Variants in MLIP observed in about 807,000 individuals in gnomAD.
The protein encoded by MLIP is muscular LMNA-interacting protein.
MLIP carries 79 observed loss-of-function variants against 84.8 expected under a neutral mutation model. That is an observed-to-expected ratio of 0.93 (90% CI 0.78 to 1.12). The LOEUF (loss-of-function observed/expected upper bound fraction) is 1.12. MLIP is among the 50% of genes most tolerant of loss of function. The pLI is 0.00. For synonymous variants in MLIP, 504 were observed against 463.0 expected, an observed-to-expected ratio of 1.09 and a Z score of -1.14; for missense variants, 1,257 against 1,160.6, an observed-to-expected ratio of 1.08 and a Z score of -1.21.
At chr6:54,203,835 C>T (rs888503896) in intron 11 of MLIP, 2 of 152,284 alleles carry the variant, frequency 1.3e-5, no homozygotes, top group African/African-American at 4.8e-5. Flanking sequence ...ATCTGCCGGC[C>T]TCCGCCTCCC....
intron 8 of MLIP, among the ~76,000 whole-genome samples, chr6:54,164,350 A>G (rs555059677): frequency 1.4e-4 from 21 of 152,050 alleles, no homozygotes; most frequent in African/African-American, 5.1e-4. Context: ...GATTCCTTCA[A>G]GAGGAATCCT....
intron 8 of MLIP, among the ~76,000 whole-genome samples, chr6:54,167,676 C>T (rs1279196845): frequency 1.3e-5 from 2 of 151,854 alleles, no homozygotes; most frequent in Non-Finnish European, 2.9e-5. Flanking sequence ...ATGGAGACTT[C>T]AGATGATATT....
At chr6:54,202,051 AT>A in intron 10 of MLIP, 53 bp from the exon 11 acceptor site, 1 of 1,291,246 alleles carries the variant, frequency 7.7e-7, no homozygotes, top group Admixed American at 2.5e-5. Flanking sequence ...ATATTTGTTC[AT>A]TTTAATAGTG....
chr6:54,262,803 G>A (rs1783471086), intron 13 of MLIP, among the ~76,000 whole-genome samples: 1 of 152,130 alleles, frequency 6.6e-6, no homozygotes, highest in South Asian at 2.1e-4. Context: ...AAAAGAAGGA[G>A]GAGGGAAATC....
At chr6:54,244,944 G>T (rs958434739) in intron 12 of MLIP, among the ~76,000 whole-genome samples, 2 of 152,138 alleles carry the variant, frequency 1.3e-5, no homozygotes, top group Admixed American at 1.3e-4. Flanking sequence ...ATGTATGGCT[G>T]CAGGTAGGCA....
At chr6:54,091,014 G>A (rs149928399) in intron 1 of MLIP, among the ~76,000 whole-genome samples, 5 of 152,046 alleles carry the variant, frequency 3.3e-5, no homozygotes, top group East Asian at 1.9e-4. Context: ...ATATATCTTC[G>A]TTGCCAGGAA....
intron 13 of MLIP, among the ~76,000 whole-genome samples, chr6:54,265,079 A>G (rs1379959014): frequency 2.0e-5 from 3 of 151,740 alleles, no homozygotes; most frequent in African/African-American, 7.3e-5. Context: ...AAGGCAACTG[A>G]CCTCCTTTAT....
In MLIP at chr6:54,266,029, A is replaced by T; in HGVS notation, c.*74A>T. 3.4e-6 allele frequency: 5 copies of T among 1,492,114 alleles called. No homozygotes were observed. The highest frequency in any genetic ancestry group is 3.8e-5 in the Admixed American group (2 of 52,404). The allele number at this position is 1,492,114 out of a possible 1,614,324, so 92.4% of individuals were successfully genotyped here. ...CTGGTGCTAACCACTTGCTAGATTT[A>T]ACTTTTTTTTTTTTTTCCAGAATGA... On this transcript the variant is annotated 3_prime_UTR_variant, in exon 14 of 14. Coordinates refer to ENST00000502396, the MANE Select transcript of MLIP (RefSeq NM_001281747.2).
chr6:54,196,366 G>A (rs7748480), intron 10 of MLIP, among the ~76,000 whole-genome samples: 2,504 of 152,136 alleles, frequency 0.016, 80 homozygotes, highest in African/African-American at 0.057. Context: ...AGGCCTCTGT[G>A]TGTTGTTCCC....
At chr6:54,042,782 A>T (rs1764820385) in intron 1 of MLIP, among the ~76,000 whole-genome samples, 1 of 152,124 alleles carries the variant, frequency 6.6e-6, no homozygotes. Flanking sequence ...GTTCCTCCTT[A>T]ATAAAGCTAA....
At chr6:54,220,848 C>T (rs1484026412) in intron 11 of MLIP, among the ~76,000 whole-genome samples, 1 of 152,024 alleles carries the variant, frequency 6.6e-6, no homozygotes, top group Non-Finnish European at 1.5e-5. Flanking sequence ...TAGCAGTGGG[C>T]TACATTAATG....
intron 12 of MLIP, among the ~76,000 whole-genome samples, chr6:54,236,844 T>G (rs183051203): frequency 1.3e-5 from 2 of 152,234 alleles, no homozygotes; most frequent in East Asian, 3.9e-4. Context: ...TTGGTGCTAA[T>G]GAATTAATAA....
chr6:54,043,648 G>C (rs1764872851), intron 1 of MLIP, among the ~76,000 whole-genome samples: 1 of 152,184 alleles, frequency 6.6e-6, no homozygotes, highest in South Asian at 2.1e-4. Context: ...ATTATGTCTG[G>C]TACAGAGATA....
intron 1 of MLIP, among the ~76,000 whole-genome samples, chr6:54,062,396 T>A (rs951305509): frequency 1.3e-5 from 2 of 152,256 alleles, no homozygotes; most frequent in African/African-American, 4.8e-5. Flanking sequence ...ACTAATGTTT[T>A]GGGATGTTTT....
intron 9 of MLIP, among the ~76,000 whole-genome samples, chr6:54,188,100 T>C (rs1202334559): frequency 6.6e-6 from 1 of 152,130 alleles, no homozygotes; most frequent in Non-Finnish European, 1.5e-5. Flanking sequence ...AAAAATACAG[T>C]GTAAAAGATA....
intron 1 of MLIP, among the ~76,000 whole-genome samples, chr6:54,033,798 A>G (rs537017867): frequency 3.3e-5 from 5 of 152,308 alleles, no homozygotes; most frequent in South Asian, 2.1e-4. Context: ...CAAAGATGAC[A>G]TTTACCTCAT....
chr6:54,051,093 T>C (rs771597110), intron 1 of MLIP, among the ~76,000 whole-genome samples: 2 of 152,052 alleles, frequency 1.3e-5, no homozygotes, highest in Non-Finnish European at 2.9e-5. Context: ...TCCATCTCTT[T>C]TGTGTTTCTT....
rs3996970 is a variant in MLIP at position 54,183,743 on chromosome 6, G to GTTTTT, written c.2545-6111_2545-6107dup. ...TTAGTGAGATATTTAGACAGGGTAAGTTTTTTTTTTTTTTTTTTTTGAGAC... is the reference window on the plus strand; with the variant it reads ...TTAGTGAGATATTTAGACAGGGTAAGTTTTTTTTTTTTTTTTTTTTTTTTTGAGAC... On this transcript the variant is annotated intron_variant, in intron 9 of 13. Coordinates refer to ENST00000502396, the MANE Select transcript of MLIP (RefSeq NM_001281747.2). Among the ~76,000 whole-genome samples the GTTTTT allele has an allele frequency of 2.6e-3, 308 of 116,702 alleles. 14 individuals are homozygous for GTTTTT. Among genetic ancestry groups the GTTTTT allele is most frequent in the East Asian group, 0.021 (75 of 3,592 alleles). The allele number at this position is 116,702 out of a possible 152,430, so 76.6% of individuals were successfully genotyped here.
intron 10 of MLIP, among the ~76,000 whole-genome samples, chr6:54,194,486 T>TA (rs1778159762): frequency 1.3e-5 from 2 of 152,164 alleles, no homozygotes; most frequent in Admixed American, 6.6e-5. Context: ...AGCCATGAGA[T>TA]ACTGCCAATA....
Sources: gnomAD v4.1 joint callset for allele counts (sites outside exome capture counted in the v4.1 genomes callset) on GRCh38, gnomAD v4.1.1 for gene constraint, MANE v1.5 for transcripts, NCBI Gene and HGNC (gene_info 2026-07-23, HGNC 2026-07-21) for gene names.